The following PCM1 variants were observed in gnomAD, a reference collection of about 807,000 sequenced individuals.
PCM1 encodes the protein pericentriolar material 1 protein.
A neutral mutation model predicts 241.9 loss-of-function variants in PCM1; 157 were observed. That is an observed-to-expected ratio of 0.65 (90% CI 0.57 to 0.74). The LOEUF (loss-of-function observed/expected upper bound fraction) is 0.74, where lower values mean the gene tolerates loss of function less well. Ranked by LOEUF, PCM1 falls within the 30% of genes least tolerant of loss-of-function variation. PCM1 has a pLI of 0.00. For missense variants in PCM1, 3,478 were observed against 2,360.1 expected (o/e 1.47, Z -9.81); for synonymous variants, 1,085 against 784.9 (o/e 1.38, Z -6.39).
intron 38 of PCM1, among the ~76,000 whole-genome samples, chr8:18,027,183 TTC>T (rs2094295008): frequency 1.3e-5 from 2 of 152,170 alleles, no homozygotes; most frequent in Non-Finnish European, 2.9e-5. Flanking sequence ...TTCAGTTAAT[TTC>T]TGTTTTCAGC....
At chr8:18,016,115 C>G (rs1318230309) in intron 36 of PCM1, among the ~76,000 whole-genome samples, 1 of 152,094 alleles carries the variant, frequency 6.6e-6, no homozygotes, top group East Asian at 1.9e-4. Context: ...ATCTCGATCT[C>G]CTGACATTGT....
intron 36 of PCM1, among the ~76,000 whole-genome samples, chr8:18,023,327 C>G (rs952830715): frequency 6.6e-6 from 1 of 151,988 alleles, no homozygotes; most frequent in Non-Finnish European, 1.5e-5. Flanking sequence ...CTCCCAAACT[C>G]GAATATATGA....
chr8:17,988,203 A>G (rs910772417), intron 26 of PCM1, among the ~76,000 whole-genome samples: 6 of 109,174 alleles, frequency 5.5e-5, no homozygotes, highest in Non-Finnish European at 1.5e-4. Flanking sequence ...TACTTGAAAC[A>G]GTAAAAAAAA....
chr8:17,953,655 C>T (rs1238788533), intron 9 of PCM1, among the ~76,000 whole-genome samples: 1 of 152,088 alleles, frequency 6.6e-6, no homozygotes, highest in African/African-American at 2.4e-5. Context: ...CCAGAACTTC[C>T]AACTGCTGGA....
chr8:17,980,954 T>A (rs993013087), intron 24 of PCM1, among the ~76,000 whole-genome samples, 199 bp downstream of exon 24: 4 of 152,238 alleles, frequency 2.6e-5, no homozygotes, highest in African/African-American at 9.6e-5. Context: ...TTTAATAGTT[T>A]TGGACACATT....
chr8:17,924,327 G>C (rs1329428657), intron 1 of PCM1, among the ~76,000 whole-genome samples: 1 of 152,216 alleles, frequency 6.6e-6, no homozygotes, highest in East Asian at 1.9e-4. Flanking sequence ...GCTTTTAAAT[G>C]AGCAAACATT....
At chr8:17,994,092 C>T (rs1037377764) in intron 29 of PCM1, among the ~76,000 whole-genome samples, 1 of 152,150 alleles carries the variant, frequency 6.6e-6, no homozygotes, top group African/African-American at 2.4e-5. Flanking sequence ...AAATTATTGA[C>T]TGTAGTCACC....
At chr8:17,997,321 C>A (rs996902734) in intron 29 of PCM1, among the ~76,000 whole-genome samples, 1 of 152,146 alleles carries the variant, frequency 6.6e-6, no homozygotes, top group African/African-American at 2.4e-5. Context: ...AGGGTCCTTT[C>A]TTTATCCTTG....
At chr8:17,927,168 C>T (rs2057325431) in intron 2 of PCM1, 1 of 133,066 alleles carries the variant, frequency 7.5e-6, no homozygotes. Context: ...GCTCTGTTGT[C>T]CAGGCTGGAG....
chr8:17,974,279 G>C (rs1482650206), intron 23 of PCM1, among the ~76,000 whole-genome samples: 1 of 152,216 alleles, frequency 6.6e-6, no homozygotes, highest in Admixed American at 6.5e-5. Flanking sequence ...TTTAGAGACA[G>C]GGCCGTTAGG....
In PCM1 at chr8:17,965,980, G is replaced by A; in HGVS notation, c.2856-19G>A. On this transcript the variant is annotated intron_variant, in intron 18 of 38. Transcript: ENST00000325083. ...AAATTATTATGTATGATGACTTAAT[G>A]CTTTCAATCTTGTGTTAGGTGGAAG... 1.3e-6 allele frequency: 2 copies of A among 1,579,910 alleles called. No individual in the cohort carries two copies. Among genetic ancestry groups the A allele is most frequent in the Admixed American group, 1.7e-5 (1 of 57,528 alleles).
intron 6 of PCM1, among the ~76,000 whole-genome samples, chr8:17,946,908 T>C (rs755554765): frequency 1.9e-4 from 29 of 151,710 alleles, no homozygotes; most frequent in Non-Finnish European, 3.1e-4. Context: ...TTTTATGTTT[T>C]GTATATCTTT....
At chr8:17,973,915 G>T (rs2077737239) in intron 23 of PCM1, among the ~76,000 whole-genome samples, 1 of 152,042 alleles carries the variant, frequency 6.6e-6, no homozygotes, top group Non-Finnish European at 1.5e-5. Flanking sequence ...ATCACTTTTG[G>T]ATAATGAAAC....
intron 31 of PCM1, among the ~76,000 whole-genome samples, chr8:18,010,204 T>G (rs1318894804): frequency 1.3e-5 from 2 of 152,138 alleles, no homozygotes; most frequent in Non-Finnish European, 2.9e-5. Flanking sequence ...TCAAATTAAT[T>G]TTGATCACAG....
intron 26 of PCM1, among the ~76,000 whole-genome samples, chr8:17,988,768 C>T (rs1438818585): frequency 6.6e-6 from 1 of 151,776 alleles, no homozygotes; most frequent in Non-Finnish European, 1.5e-5. Flanking sequence ...ACAGAAAATA[C>T]CACTTCACAT....
At chr8:17,951,854 A>G (rs752337521) in intron 8 of PCM1, among the ~76,000 whole-genome samples, 1 of 152,194 alleles carries the variant, frequency 6.6e-6, no homozygotes, top group African/African-American at 2.4e-5. Flanking sequence ...AAATTTGACT[A>G]AGCATAATGG....
intron 23 of PCM1, among the ~76,000 whole-genome samples, chr8:17,974,946 A>G (rs534358611): frequency 1.3e-4 from 20 of 152,090 alleles, no homozygotes; most frequent in Non-Finnish European, 2.1e-4. Context: ...CCGAAGTAAT[A>G]TGGGGTAAAA....
intron 26 of PCM1, 88 bp downstream of exon 26, chr8:17,986,175 G>A (rs2082520235): frequency 2.2e-6 from 2 of 898,806 alleles, no homozygotes; most frequent in African/African-American, 3.5e-5. Context: ...ATTGTAGGTA[G>A]ACCTAATATA....
chr8:17,941,643 A>G (rs2062095275), intron 6 of PCM1, among the ~76,000 whole-genome samples: 1 of 152,126 alleles, frequency 6.6e-6, no homozygotes, highest in African/African-American at 2.4e-5. Context: ...ACTATTTAAT[A>G]AAGGAGGAGG....
Sources: allele counts gnomAD v4.1 joint callset (sites outside exome capture counted in the v4.1 genomes callset), GRCh38; gene constraint gnomAD v4.1.1; transcripts MANE v1.5; gene names NCBI Gene and HGNC (gene_info 2026-07-23, HGNC 2026-07-21).